Variants in CTNNAL1 observed in about 807,000 individuals in gnomAD.
CTNNAL1 encodes the protein alpha-catulin.
A neutral mutation model predicts 93.6 loss-of-function variants in CTNNAL1; 69 were observed. The observed-to-expected ratio is 0.74, with a 90% CI of 0.61 to 0.90. The LOEUF (loss-of-function observed/expected upper bound fraction) is 0.90, where lower values mean the gene tolerates loss of function less well. CTNNAL1 is among the 40% of genes least tolerant of loss of function. The pLI is 0.00. For synonymous variants in CTNNAL1, 286 were observed against 305.4 expected, an observed-to-expected ratio of 0.94 and a Z score of 0.66; for missense variants, 836 against 862.0, an observed-to-expected ratio of 0.97 and a Z score of 0.38.
At chr9:109,008,293 A>G (rs1016770678) in intron 1 of CTNNAL1, among the ~76,000 whole-genome samples, 1 of 151,616 alleles carries the variant, frequency 6.6e-6, no homozygotes, top group Non-Finnish European at 1.5e-5. Context: ...AAGTAGCTGG[A>G]ATTACAGGCA....
At chr9:108,991,324 GAAGTGTGGGACTTT>G (rs1297676120) in intron 3 of CTNNAL1, among the ~76,000 whole-genome samples, 1 of 152,118 alleles carries the variant, frequency 6.6e-6, no homozygotes, top group East Asian at 1.9e-4. Context: ...AGTCGAAAGG[GAAGTGTGGGACTTT>G]AAGGGTGGGA....
chr9:108,974,341 G>A (rs757010598), intron 8 of CTNNAL1, among the ~76,000 whole-genome samples: 8 of 152,148 alleles, frequency 5.3e-5, no homozygotes, highest in Admixed American at 2.6e-4. Flanking sequence ...GGAATGAAAT[G>A]GGTAGGCTTT....
intron 2 of CTNNAL1, among the ~76,000 whole-genome samples, chr9:108,996,549 G>A (rs776362262): frequency 1.8e-4 from 28 of 152,230 alleles, no homozygotes; most frequent in Middle Eastern, 3.4e-3. Flanking sequence ...CTGCCTGGGC[G>A]TATGGTACTC....
At chr9:108,974,942 C>T (rs937608724) in intron 8 of CTNNAL1, among the ~76,000 whole-genome samples, 15 of 152,016 alleles carry the variant, frequency 9.9e-5, no homozygotes, top group Non-Finnish European at 1.6e-4. Context: ...GCAGGTGGAT[C>T]GTTTGAGGTC....
In CTNNAL1 at chr9:108,990,808, C is replaced by G; in HGVS notation, c.557G>C (p.Ser186Thr). 1 of 1,613,526 alleles carries G rather than the reference C, an allele frequency of 6.2e-7. No individual in the cohort carries two copies. The highest frequency in any genetic ancestry group is 8.5e-7 in the Non-Finnish European group (1 of 1,179,856). Residue 186 changes from serine to threonine, a missense_variant, in exon 4 of 19, where the codon AGC becomes ACC. Physicochemically the swap from Ser to Thr is moderately conservative, Grantham distance 58. Coordinates refer to ENST00000325551, the MANE Select transcript of CTNNAL1 (RefSeq NM_003798.4). ...ATMERLEKVN[S>T]FQEFVQIFSQ... Reference sequence around the variant, plus strand: ...GAATATTTGGACAAACTCTTGAAAGCTATTCACTTTCTCTAGTCTTTCCAT... The same window carrying G: ...GAATATTTGGACAAACTCTTGAAAGGTATTCACTTTCTCTAGTCTTTCCAT...
intron 12 of CTNNAL1, among the ~76,000 whole-genome samples, chr9:108,953,900 G>A (rs1344444208): frequency 1.3e-5 from 2 of 152,072 alleles, no homozygotes; most frequent in African/African-American, 4.8e-5. Flanking sequence ...CTCCTTGAAT[G>A]GTCACATCAT....
At chr9:108,995,891 T>C (rs973681118) in intron 2 of CTNNAL1, among the ~76,000 whole-genome samples, 1 of 152,076 alleles carries the variant, frequency 6.6e-6, no homozygotes, top group African/African-American at 2.4e-5. Context: ...GTTTAATAGA[T>C]TGCCCAATAT....
Position 108,979,280 on chromosome 9 carries a change from C to G in CTNNAL1, c.1101+1G>C, listed in dbSNP as rs373092838. 6.2e-7 allele frequency: 1 copy of G among 1,613,792 alleles called. No homozygotes were observed. The highest frequency in any genetic ancestry group is 8.5e-7 in the Non-Finnish European group (1 of 1,179,938). ...ACTTTGATTTTAAAAAAAGTTCTTACAGCTTGAATCCACACAGAAATTAAC... is the reference window on the plus strand; with the variant it reads ...ACTTTGATTTTAAAAAAAGTTCTTAGAGCTTGAATCCACACAGAAATTAAC... On this transcript the variant is annotated splice_donor_variant, in intron 7 of 18. Transcript: ENST00000325551. LOFTEE classifies it high-confidence loss of function.
chr9:108,976,904 C>T (rs965165628), intron 8 of CTNNAL1, 58 bp downstream of exon 8: 1 of 672,966 alleles, frequency 1.5e-6, no homozygotes, highest in Non-Finnish European at 2.4e-6. Context: ...TTTCATACAC[C>T]CATACAACAT....
intron 5 of CTNNAL1, 150 bp from the exon 6 acceptor site, chr9:108,983,465 G>C (rs371951592): frequency 1.1e-6 from 1 of 887,316 alleles, no homozygotes; most frequent in Non-Finnish European, 1.5e-6. Flanking sequence ...CCTCACTAAA[G>C]TGGAAGCAGG....
chr9:109,013,191 C>G (rs1827262269), intron 1 of CTNNAL1, 111 bp downstream of exon 1: 3 of 1,301,472 alleles, frequency 2.3e-6, no homozygotes, highest in South Asian at 3.5e-5. Flanking sequence ...GCCGCAGTGC[C>G]GGCGCGGAAA....
intron 14 of CTNNAL1, among the ~76,000 whole-genome samples, 163 bp downstream of exon 14, chr9:108,952,043 CTTG>C (rs1389913743): frequency 1.3e-5 from 2 of 152,164 alleles, no homozygotes; most frequent in African/African-American, 2.4e-5. Flanking sequence ...ATACATGTGT[CTTG>C]TTGTTGCATT....
At chr9:108,976,605 A>G (rs546444804) in intron 8 of CTNNAL1, among the ~76,000 whole-genome samples, 1 of 151,902 alleles carries the variant, frequency 6.6e-6, no homozygotes, top group East Asian at 1.9e-4. Context: ...ATCATGGCTC[A>G]CTGCAGCCTT....
At chr9:108,968,759 C>G (rs374531287) in intron 10 of CTNNAL1, among the ~76,000 whole-genome samples, 3 of 152,318 alleles carry the variant, frequency 2.0e-5, no homozygotes, top group Admixed American at 6.5e-5. Context: ...AGAGGGCACA[C>G]ACCATCGTTG....
chr9:108,983,254 C>T lies in CTNNAL1; in HGVS notation c.791G>A (p.Arg264His), dbSNP rs150483984. The stretch of plus-strand genomic sequence containing the variant: ...GACCTTATCCAATGCCACTTTCATA[C>T]GGTCAAATACTCCTTCTTTGTTTTT... The part of the protein sequence containing the change: ...AHKNKEGVFD[R>H]MKVALDKVIE... The change falls in exon 6 of 19, where the codon CGT (arginine) becomes CAT (histidine). Residue 264 changes from arginine to histidine, a missense_variant. Arg to His is a conservative substitution (Grantham distance 29). Coordinates refer to ENST00000325551, the MANE Select transcript of CTNNAL1 (RefSeq NM_003798.4). 1.4e-4 allele frequency: 217 copies of T among 1,595,086 alleles called. 2 individuals are homozygous for T. Among genetic ancestry groups the T allele is most frequent in the Admixed American group, 1.2e-3 (68 of 57,878 alleles).
intron 11 of CTNNAL1, among the ~76,000 whole-genome samples, chr9:108,956,169 G>C (rs1475919695): frequency 6.6e-6 from 1 of 152,160 alleles, no homozygotes; most frequent in Non-Finnish European, 1.5e-5. Flanking sequence ...AATGAAACCT[G>C]ATTCCTCTTT....
intron 1 of CTNNAL1, among the ~76,000 whole-genome samples, chr9:109,003,159 A>G (rs1249524815): frequency 6.6e-6 from 1 of 152,224 alleles, no homozygotes; most frequent in Non-Finnish European, 1.5e-5. Flanking sequence ...GCTTCAGACA[A>G]CCATTCAGGT....
chr9:108,943,995 C>A lies in CTNNAL1; in HGVS notation c.1908G>T (p.Lys636Asn). The A allele has an allele frequency of 6.2e-7, 1 of 1,613,808 alleles. No individual in the cohort carries two copies. The highest frequency in any genetic ancestry group is 8.5e-7 in the Non-Finnish European group (1 of 1,179,846). ...QLEVFAAEGL[K>N]LTSSVQAFSK... ...AAAAAGCTTGAACACTGGAAGTAAG[C>A]TTTAAACCCTCTGCAGCAAAAACCT... Residue 636 changes from lysine (K) to asparagine (N), a missense_variant, in exon 16 of 19, where the codon AAG (lysine) becomes AAT (asparagine). Transcript: ENST00000325551.
At position 108,972,669 on chromosome 9, in the gene CTNNAL1, A is replaced by T; in HGVS notation, c.1347+6T>A. On this transcript the variant is annotated splice_donor_region_variant and intron_variant, in intron 9 of 18. Transcript: ENST00000325551. ...CTACAATTTCTTTAGCACCTTGTTT[A>T]CTCACCTCAACAAGCTGCTCTTTCT... The T allele has an allele frequency of 6.2e-7, 1 of 1,605,764 alleles. No homozygotes were observed. The highest frequency in any genetic ancestry group is 1.3e-5 in the African/African-American group (1 of 74,378).
Sources: allele counts gnomAD v4.1 joint callset (sites outside exome capture counted in the v4.1 genomes callset), GRCh38; gene constraint gnomAD v4.1.1; transcripts MANE v1.5; gene names NCBI Gene and HGNC (gene_info 2026-07-23, HGNC 2026-07-21).